The following LRP1B variants were observed in gnomAD, a reference collection of about 807,000 sequenced individuals.
LRP1B encodes the protein low-density lipoprotein receptor-related protein 1B.
In LRP1B, 217 loss-of-function variants were observed where a neutral mutation model predicts 556.6. The ratio of observed to expected loss-of-function variants is 0.39; its 90% CI spans 0.35 to 0.44. The LOEUF (loss-of-function observed/expected upper bound fraction) is 0.44. LRP1B is among the 20% of genes least tolerant of loss of function. The pLI is 1.00. For synonymous variants in LRP1B, 2,047 were observed against 1,865.8 expected (o/e 1.10, Z -2.50); for missense variants, 5,053 against 5,620.8 (o/e 0.90, Z 3.23).
Position 140,709,638 on chromosome 2 carries a change from T to C in LRP1B, c.6023+6335A>G, listed in dbSNP as rs560436069. 2.6e-5 allele frequency among the ~76,000 whole-genome samples: 4 copies of C among 152,240 alleles called. No individual in the cohort carries two copies. In the South Asian group the frequency reaches 8.3e-4, roughly 32 times the overall value. On this transcript the variant is annotated intron_variant, in intron 37 of 90. Transcript: ENST00000389484. ...GTCTCTATTGTTTAAAAACAGGATT[T>C]GTGCCCACTTTTCAAGGCATGTTTT... is the stretch of plus-strand genomic sequence containing the variant.
chr2:142,005,589 T>C (rs576909323), intron 1 of LRP1B, among the ~76,000 whole-genome samples: 1 of 152,310 alleles, frequency 6.6e-6, no homozygotes, highest in East Asian at 1.9e-4. Flanking sequence ...TATTAATTAT[T>C]GTATTCATGT....
At chr2:142,017,773 C>T (rs1214409728) in intron 1 of LRP1B, among the ~76,000 whole-genome samples, 2 of 151,962 alleles carry the variant, frequency 1.3e-5, no homozygotes, top group East Asian at 3.9e-4. Context: ...TATGGTTCCA[C>T]CAGGAGGCCA....
chr2:140,520,561 A>T (rs570391716), intron 49 of LRP1B, among the ~76,000 whole-genome samples: 1 of 152,076 alleles, frequency 6.6e-6, no homozygotes, highest in Non-Finnish European at 1.5e-5. Context: ...ATATGTAAAA[A>T]ACCTGCACAT....
At chr2:141,682,668 A>G (rs1691146555) in intron 2 of LRP1B, among the ~76,000 whole-genome samples, 1 of 152,106 alleles carries the variant, frequency 6.6e-6, no homozygotes, top group African/African-American at 2.4e-5. Flanking sequence ...ATTGAATACA[A>G]CCTACTTAGG....
At chr2:141,693,603 G>A (rs1224257827) in intron 2 of LRP1B, among the ~76,000 whole-genome samples, 3 of 151,950 alleles carry the variant, frequency 2.0e-5, no homozygotes, top group Non-Finnish European at 4.4e-5. Flanking sequence ...GAGATGCAAT[G>A]GCCTCCAGTA....
chr2:140,729,921 ATGAACCTATCAGAGC>A (rs1478026485), intron 35 of LRP1B, among the ~76,000 whole-genome samples: 2 of 152,184 alleles, frequency 1.3e-5, no homozygotes, highest in African/African-American at 2.4e-5. Context: ...ATGTCACTAA[ATGAACCTATCAGAGC>A]TGCCCTCAAT....
At chr2:141,913,649 A>G (rs1217255844) in intron 1 of LRP1B, among the ~76,000 whole-genome samples, 2 of 152,170 alleles carry the variant, frequency 1.3e-5, no homozygotes, top group Admixed American at 1.3e-4. Flanking sequence ...AGGTGAGGTA[A>G]AGGAAGATTT....
At chr2:141,976,175 A>G (rs572640267) in intron 1 of LRP1B, among the ~76,000 whole-genome samples, 1 of 152,172 alleles carries the variant, frequency 6.6e-6, no homozygotes, top group African/African-American at 2.4e-5. Flanking sequence ...TTTGGTTCAG[A>G]TAAGTGAAAA....
At chr2:140,416,652 C>A (rs1267290889) in intron 66 of LRP1B, among the ~76,000 whole-genome samples, 1 of 146,332 alleles carries the variant, frequency 6.8e-6, no homozygotes, top group Non-Finnish European at 1.5e-5. Context: ...CAAACTCTGT[C>A]TAAAAAAAAA....
intron 3 of LRP1B, among the ~76,000 whole-genome samples, chr2:141,282,721 G>C (rs1443288152): frequency 6.6e-6 from 1 of 152,060 alleles, no homozygotes; most frequent in East Asian, 1.9e-4. Context: ...ATGGTCTATA[G>C]TAAGTTGAGC....
At chr2:140,372,795 G>T (rs973934955) in intron 69 of LRP1B, among the ~76,000 whole-genome samples, 5 of 152,036 alleles carry the variant, frequency 3.3e-5, no homozygotes, top group Non-Finnish European at 5.9e-5. Flanking sequence ...ATTATGCTTG[G>T]ATTCCATTCA....
At chr2:141,921,316 A>C (rs1279648222) in intron 1 of LRP1B, among the ~76,000 whole-genome samples, 1 of 152,064 alleles carries the variant, frequency 6.6e-6, no homozygotes, top group African/African-American at 2.4e-5. Flanking sequence ...TTATTTCAAT[A>C]ATCAGCTTTC....
intron 1 of LRP1B, among the ~76,000 whole-genome samples, chr2:142,067,340 A>G (rs1183655991): frequency 6.6e-6 from 1 of 151,508 alleles, no homozygotes; most frequent in Non-Finnish European, 1.5e-5. Flanking sequence ...GAGCATAGAC[A>G]GATAAAAAAA....
chr2:140,694,366 G>A (rs1686353864), intron 41 of LRP1B, among the ~76,000 whole-genome samples: 1 of 152,026 alleles, frequency 6.6e-6, no homozygotes, highest in African/African-American at 2.4e-5. Flanking sequence ...TAATAATTCA[G>A]TTATAGAATT....
chr2:140,579,584 G>A (rs951983831), intron 43 of LRP1B, among the ~76,000 whole-genome samples: 3 of 152,160 alleles, frequency 2.0e-5, no homozygotes, highest in Middle Eastern at 6.3e-3. Flanking sequence ...GCTCAGGCCT[G>A]TAATCTCAGC....
intron 41 of LRP1B, among the ~76,000 whole-genome samples, chr2:140,618,051 T>A (rs1374315798): frequency 6.6e-6 from 1 of 152,026 alleles, no homozygotes; most frequent in East Asian, 1.9e-4. Context: ...ACACTAATTT[T>A]AAACATTTAT....
chr2:140,458,174 A>G (rs1573961733), intron 60 of LRP1B, among the ~76,000 whole-genome samples: 2 of 152,086 alleles, frequency 1.3e-5, no homozygotes, highest in African/African-American at 4.8e-5. Flanking sequence ...ACTACTATAA[A>G]CCTTTTCAGC....
chr2:140,863,531 G>A (rs1692860898), intron 27 of LRP1B, among the ~76,000 whole-genome samples: 1 of 152,092 alleles, frequency 6.6e-6, no homozygotes, highest in Admixed American at 6.6e-5. Context: ...AAAAAACTGT[G>A]TATTTCTTTG....
At position 140,335,877 on chromosome 2, in the gene LRP1B, C is replaced by G. The variant is rs1681065619; in HGVS notation, c.11893-39G>C. ...AAACAACACACCACGGTATTTTCAA[C>G]AGGAAATTAGCGGAGTTTTCTGTAT... On this transcript the variant is annotated intron_variant, in intron 77 of 90. Transcript: ENST00000389484. 2.3e-6 allele frequency: 3 copies of G among 1,322,754 alleles called. No individual in the cohort carries two copies. The South Asian group carries it at 3.5e-5, about 16-fold the overall frequency. The allele number at this position is 1,322,754 out of a possible 1,614,324, so 81.9% of individuals were successfully genotyped here.
Sources: gnomAD v4.1 joint callset for allele counts (sites outside exome capture counted in the v4.1 genomes callset) on GRCh38, gnomAD v4.1.1 for gene constraint, MANE v1.5 for transcripts, NCBI Gene and HGNC (gene_info 2026-07-23, HGNC 2026-07-21) for gene names.